The following UBP1 variants were observed in gnomAD, a reference collection of about 807,000 sequenced individuals.
The protein encoded by UBP1 is upstream-binding protein 1.
In UBP1, 22 loss-of-function variants were observed where a neutral mutation model predicts 76.1. The ratio of observed to expected loss-of-function variants is 0.29; its 90% CI spans 0.21 to 0.41. The LOEUF is 0.41. UBP1 is among the 10% of genes least tolerant of loss of function. The probability of loss-of-function intolerance (pLI) is 1.00; values close to 1 mark genes in which losing one functional copy is unlikely to be tolerated. For synonymous variants in UBP1, 224 were observed against 237.1 expected, an observed-to-expected ratio of 0.94 and a Z score of 0.51; for missense variants, 436 against 668.1, an observed-to-expected ratio of 0.65 and a Z score of 3.83.
intron 15 of UBP1, chr3:33,390,628 G>A: frequency 1.9e-6 from 1 of 531,324 alleles, no homozygotes; most frequent in Non-Finnish European, 3.4e-6. Flanking sequence ...CAGTTCTGGG[G>A]GTAGGGGGAC....
At chr3:33,416,312 T>C (rs1275931603) in intron 3 of UBP1, among the ~76,000 whole-genome samples, 1 of 151,966 alleles carries the variant, frequency 6.6e-6, no homozygotes, top group Non-Finnish European at 1.5e-5. Context: ...AAGAACAGGT[T>C]AGCTGGAAAA....
chr3:33,433,827 C>A (rs2045155488), intron 1 of UBP1, among the ~76,000 whole-genome samples: 2 of 151,968 alleles, frequency 1.3e-5, no homozygotes, highest in South Asian at 4.2e-4. Context: ...GCAGGAGAAT[C>A]CCTTGAGCCC....
chr3:33,411,735 TAAAA>T, intron 4 of UBP1, 48 bp from the exon 5 acceptor site: 1 of 1,459,958 alleles, frequency 6.8e-7, no homozygotes, highest in Non-Finnish European at 9.6e-7. Context: ...TTAAATAACT[TAAAA>T]AACTTACAAC....
intron 1 of UBP1, among the ~76,000 whole-genome samples, chr3:33,434,584 G>A (rs1331816144): frequency 2.0e-5 from 3 of 151,620 alleles, no homozygotes; most frequent in Non-Finnish European, 4.4e-5. Flanking sequence ...ACTGCGCTCG[G>A]TGACTCTATC....
chr3:33,402,934 A>T, intron 8 of UBP1, 30 bp from the exon 9 acceptor site: 1 of 1,532,588 alleles, frequency 6.5e-7, no homozygotes, highest in Non-Finnish European at 8.9e-7. Context: ...TAAATTAGTG[A>T]TATGCTTTTA....
chr3:33,428,027 C>T (rs988824549), intron 1 of UBP1, among the ~76,000 whole-genome samples: 2 of 151,964 alleles, frequency 1.3e-5, no homozygotes, highest in Admixed American at 1.3e-4. Flanking sequence ...ACTAAAAATA[C>T]AAAAATTAGC....
At chr3:33,415,108 C>A (rs745676565) in intron 3 of UBP1, among the ~76,000 whole-genome samples, 6 of 152,180 alleles carry the variant, frequency 3.9e-5, no homozygotes, top group Admixed American at 1.3e-4. Context: ...ACCCTGCCAT[C>A]CCAAGTTAAT....
intron 1 of UBP1, among the ~76,000 whole-genome samples, chr3:33,425,988 C>A (rs1293913480): frequency 9.6e-6 from 1 of 103,984 alleles, no homozygotes; most frequent in Non-Finnish European, 1.9e-5. Flanking sequence ...GGCGGCAGGG[C>A]AGCTCTGAAT....
chr3:33,390,581 G>C (rs1021630982), intron 15 of UBP1: 3 of 596,634 alleles, frequency 5.0e-6, no homozygotes, highest in Admixed American at 6.0e-5. Flanking sequence ...TGCGAAGCCT[G>C]GCCCACTATC....
chr3:33,438,292 T>C lies in UBP1; in HGVS notation c.113+1444A>G, dbSNP rs551196563. ...AACTTTTCAGCAGCAAACTTTCATT[T>C]TACCATAAAAGAGAAGCAACTGAGG... On this transcript the variant is annotated intron_variant, in intron 1 of 15. Coordinates refer to ENST00000283629, the MANE Select transcript of UBP1 (RefSeq NM_014517.5). 1.9e-3 allele frequency among the ~76,000 whole-genome samples: 287 copies of C among 152,360 alleles called. 2 individuals are homozygous for C. Among genetic ancestry groups the C allele is most frequent in the Non-Finnish European group, 1.6e-3 (109 of 68,032 alleles).
chr3:33,438,873 A>G (rs1275199495), intron 1 of UBP1, among the ~76,000 whole-genome samples: 1 of 152,240 alleles, frequency 6.6e-6, no homozygotes, highest in African/African-American at 2.4e-5. Context: ...TTTCTAAAGA[A>G]CAGAAAGCTA....
At chr3:33,425,971 G>C (rs1261284166) in intron 1 of UBP1, among the ~76,000 whole-genome samples, 1 of 139,942 alleles carries the variant, frequency 7.1e-6, no homozygotes, top group African/African-American at 2.7e-5. Context: ...GGTGGGAAGT[G>C]GGGGAGGGCG....
intron 2 of UBP1, among the ~76,000 whole-genome samples, chr3:33,418,491 T>G (rs2044788812): frequency 1.3e-5 from 2 of 151,826 alleles, no homozygotes; most frequent in Non-Finnish European, 2.9e-5. Context: ...ACTCCTGACC[T>G]CGGGTGATTC....
rs1252734375 is a variant in UBP1 at position 33,439,728 on chromosome 3, C to T, written c.113+8G>A. ...CAGAGGCTTCTCCCCGCCCAGGGAG[C>T]CCAGTACCTCATGCTGTAAGCGCCG... is the stretch of plus-strand genomic sequence containing the variant. On this transcript the variant is annotated splice_region_variant and intron_variant, in intron 1 of 15. Coordinates refer to ENST00000283629, the MANE Select transcript of UBP1 (RefSeq NM_014517.5). 6.2e-7 allele frequency: 1 copy of T among 1,611,262 alleles called. No homozygotes were observed. Among genetic ancestry groups the T allele is most frequent in the Non-Finnish European group, 8.5e-7 (1 of 1,179,072 alleles).
intron 2 of UBP1, among the ~76,000 whole-genome samples, chr3:33,417,921 GC>G (rs1183175642): frequency 6.6e-6 from 1 of 152,084 alleles, no homozygotes; most frequent in Non-Finnish European, 1.5e-5. Context: ...TCACTCCAAG[GC>G]TGGTGAAGGA....
intron 8 of UBP1, among the ~76,000 whole-genome samples, chr3:33,403,974 G>C (rs1047207853): frequency 6.6e-6 from 1 of 152,132 alleles, no homozygotes; most frequent in African/African-American, 2.4e-5. Flanking sequence ...GGCTGGACAC[G>C]GTGACTCATG....
At position 33,411,684 on chromosome 3, in the gene UBP1, A is replaced by C; in HGVS notation, c.452T>G (p.Ile151Ser). The C allele has an allele frequency of 6.2e-7, 1 of 1,612,818 alleles. No homozygotes were observed. ...GTCAATTATTCCCACAGACATTGGA[A>C]TATCTATGTTTTAAAAAGAAGTTAC... ...RPGDRLLDLD[I>S]PMSVGIIDTR... The change falls in exon 5 of 16, where the codon ATT (isoleucine) becomes AGT (serine). Residue 151 changes from isoleucine to serine, a missense_variant. Physicochemically the swap from Ile to Ser is moderately radical, Grantham distance 142. This residue lies in a region of UBP1 where 161 missense variants were observed against 237.9 expected (regional missense o/e 0.68). Transcript: ENST00000283629.
At chr3:33,402,089 T>A (rs1045830932) in intron 9 of UBP1, among the ~76,000 whole-genome samples, 1 of 152,192 alleles carries the variant, frequency 6.6e-6, no homozygotes, top group African/African-American at 2.4e-5. Context: ...GATCTTAGCT[T>A]TCATAATTTT....
At position 33,389,348 on chromosome 3, in the gene UBP1, T is replaced by C. The variant is rs2043660711; in HGVS notation, c.*983A>G. Reference sequence around the variant, plus strand: ...GTTTCCAGAAAAAAATTCATCTTGTTCATAATGAAGATCCCTTAACACCTA... The same window carrying C: ...GTTTCCAGAAAAAAATTCATCTTGTCCATAATGAAGATCCCTTAACACCTA... On this transcript the variant is annotated 3_prime_UTR_variant, in exon 16 of 16. Coordinates refer to ENST00000283629, the MANE Select transcript of UBP1 (RefSeq NM_014517.5). 6.6e-6 allele frequency: 1 copy of C among 152,516 alleles called. No homozygotes were observed. The allele number at this position is 152,516 out of a possible 1,614,324, so 9.4% of individuals were successfully genotyped here. A position where few individuals can be genotyped will look rare whatever the true frequency, so the allele number is the denominator to read the frequency against.
Sources: allele counts gnomAD v4.1 joint callset (sites outside exome capture counted in the v4.1 genomes callset), GRCh38; gene constraint gnomAD v4.1.1; regional missense constraint gnomAD v4.1.1; transcripts MANE v1.5; gene names NCBI Gene and HGNC (gene_info 2026-07-23, HGNC 2026-07-21).